The following DAPL1 variants were observed in gnomAD, a reference collection of about 807,000 sequenced individuals.
DAPL1 encodes the protein death associated protein like 1.
In DAPL1, 17 loss-of-function variants were observed where a neutral mutation model predicts 12.9. That is an observed-to-expected ratio of 1.32 (90% confidence interval 0.90 to 1.98). DAPL1 has a LOEUF of 1.98. DAPL1 is among the 30% of genes most tolerant of loss of function. The pLI, the probability that DAPL1 is intolerant of heterozygous loss-of-function variation, is 0.00. For synonymous variants in DAPL1, 51 were observed against 42.0 expected (o/e 1.21, Z -0.82); for missense variants, 157 against 125.7 (o/e 1.25, Z -1.19).
At chr2:158,795,815 G>T (rs1044889328) in intron 1 of DAPL1, among the ~76,000 whole-genome samples, 3 of 152,182 alleles carry the variant, frequency 2.0e-5, no homozygotes, top group African/African-American at 7.2e-5. Flanking sequence ...TTTCTCTTTA[G>T]AGGTTCCAGC....
chr2:158,803,651 A>T (rs1425320602), intron 1 of DAPL1, among the ~76,000 whole-genome samples: 1 of 152,238 alleles, frequency 6.6e-6, no homozygotes, highest in East Asian at 1.9e-4. Flanking sequence ...ATTAACACTA[A>T]TTGATCACTT....
intron 2 of DAPL1, 114 bp downstream of exon 2, chr2:158,804,483 G>A: frequency 2.9e-6 from 2 of 687,056 alleles, no homozygotes; most frequent in Non-Finnish European, 4.8e-6. Context: ...AGCCAGAGAA[G>A]GGGGCAGGAG....
intron 3 of DAPL1, among the ~76,000 whole-genome samples, chr2:158,813,712 T>A (rs146059716): frequency 6.6e-6 from 1 of 151,512 alleles, no homozygotes; most frequent in Non-Finnish European, 1.5e-5. Flanking sequence ...CTCGCCACCA[T>A]GCCCGGCTAA....
chr2:158,813,021 A>G (rs1356304086), intron 3 of DAPL1, among the ~76,000 whole-genome samples: 2 of 152,108 alleles, frequency 1.3e-5, no homozygotes, highest in Middle Eastern at 3.4e-3. Context: ...AACGTGGTAT[A>G]TATATATACA....
chr2:158,804,167 G>A (rs993832374), intron 1 of DAPL1, 115 bp from the exon 2 acceptor site: 17 of 702,244 alleles, frequency 2.4e-5, no homozygotes, highest in African/African-American at 1.5e-4. Context: ...CAAACGTTTA[G>A]ATCTTTAAAA....
At chr2:158,796,414 G>C (rs758214641) in intron 1 of DAPL1, among the ~76,000 whole-genome samples, 2 of 152,184 alleles carry the variant, frequency 1.3e-5, no homozygotes, top group African/African-American at 2.4e-5. Flanking sequence ...TGGCCAAAAA[G>C]AGTCCAGATT....
In DAPL1 at chr2:158,804,578, C is replaced by T. The variant is rs573596471; in HGVS notation, c.146+209C>T. On this transcript the variant is annotated intron_variant, in intron 2 of 3. Coordinates refer to ENST00000309950, the MANE Select transcript of DAPL1 (RefSeq NM_001017920.3). ...CTCTGGAGGGATCCCTCTGAGAGGG[C>T]TCCCATCACGACCCCCACCCATTCT... 1.4e-4 allele frequency among the ~76,000 whole-genome samples: 22 copies of T among 152,250 alleles called. 2 individuals carry two copies. The highest frequency in any genetic ancestry group is 1.2e-3 in the South Asian group (6 of 4,816).
intron 1 of DAPL1, among the ~76,000 whole-genome samples, chr2:158,796,304 G>A (rs2059134142): frequency 6.6e-6 from 1 of 152,170 alleles, no homozygotes; most frequent in Non-Finnish European, 1.5e-5. Flanking sequence ...TCTAGGCCAA[G>A]GTTATTTCAA....
At chr2:158,804,073 A>G (rs1253019033) in intron 1 of DAPL1, among the ~76,000 whole-genome samples, 4 of 152,228 alleles carry the variant, frequency 2.6e-5, no homozygotes, top group Admixed American at 2.6e-4. Flanking sequence ...TTCTCTGAGC[A>G]TAAACAAGTA....
intron 3 of DAPL1, chr2:158,807,930 G>C (rs201054343): frequency 1.3e-5 from 2 of 152,398 alleles, no homozygotes; most frequent in East Asian, 3.9e-4. Context: ...ACAGGTGTGA[G>C]CCACCTCACC....
intron 3 of DAPL1, among the ~76,000 whole-genome samples, chr2:158,811,173 G>A (rs2059228351): frequency 6.6e-6 from 1 of 152,184 alleles, no homozygotes. Context: ...CAGACTTTGG[G>A]TCACCACTGC....
At chr2:158,798,888 T>C (rs1331061685) in intron 1 of DAPL1, among the ~76,000 whole-genome samples, 1 of 152,192 alleles carries the variant, frequency 6.6e-6, no homozygotes, top group Non-Finnish European at 1.5e-5. Flanking sequence ...CAAACCTTTG[T>C]GCCTTTCAGC....
intron 3 of DAPL1, among the ~76,000 whole-genome samples, chr2:158,813,120 T>C (rs2105157358): frequency 6.6e-6 from 1 of 152,262 alleles, no homozygotes; most frequent in East Asian, 1.9e-4. Flanking sequence ...CTAAGTGAAA[T>C]AAGCCAGACA....
chr2:158,813,557 CTTTT>C (rs11355982), intron 3 of DAPL1, among the ~76,000 whole-genome samples: 8,553 of 132,848 alleles, frequency 0.064, 288 homozygotes, highest in African/African-American at 0.11. Flanking sequence ...TTTCCTTTTT[CTTTT>C]TTTTTTTTTT....
intron 3 of DAPL1, among the ~76,000 whole-genome samples, chr2:158,809,012 T>A: frequency 6.6e-6 from 1 of 152,134 alleles, no homozygotes. Context: ...TTAACAACAA[T>A]AATCAGTTGT....
In DAPL1 at chr2:158,815,962, T is replaced by C; in HGVS notation, c.*141T>C. The C allele has an allele frequency of 3.1e-6, 2 of 640,360 alleles. No homozygotes were observed. The highest frequency in any genetic ancestry group is 2.7e-5 in the East Asian group (1 of 37,134). 39.7% of individuals were successfully genotyped at this position (640,360 alleles called of 1,614,324 possible). On this transcript the variant is annotated 3_prime_UTR_variant, in exon 4 of 4. Coordinates refer to ENST00000309950, the MANE Select transcript of DAPL1 (RefSeq NM_001017920.3). ...TTGTATCTTCCCCTTTGACTTTAGGTAATAAAGCATCCAAACTTGTAAATC... is the reference window on the plus strand; with the variant it reads ...TTGTATCTTCCCCTTTGACTTTAGGCAATAAAGCATCCAAACTTGTAAATC...
At chr2:158,813,210 G>C (rs1175101419) in intron 3 of DAPL1, among the ~76,000 whole-genome samples, 1 of 152,146 alleles carries the variant, frequency 6.6e-6, no homozygotes, top group Non-Finnish European at 1.5e-5. Context: ...AAGTAGAATG[G>C]TGGTTGCCAG....
In DAPL1 at chr2:158,804,485, G is replaced by A. The variant is rs1250396112; in HGVS notation, c.146+116G>A. The A allele has an allele frequency of 5.8e-6, 4 of 693,232 alleles. No homozygotes were observed. The East Asian group carries it at 1.1e-4, about 19-fold the overall frequency. 42.9% of individuals were successfully genotyped at this position (693,232 alleles called of 1,614,324 possible). A position where few individuals can be genotyped will look rare whatever the true frequency, so the allele number is the denominator to read the frequency against. ...TGCCTTTGGAGGCAGCCAGAGAAGGGGGCAGGAGGGGGAGGGCGTGATCCG... is the reference window on the plus strand; with the variant it reads ...TGCCTTTGGAGGCAGCCAGAGAAGGAGGCAGGAGGGGGAGGGCGTGATCCG... On this transcript the variant is annotated intron_variant, in intron 2 of 3. Coordinates refer to ENST00000309950, the MANE Select transcript of DAPL1 (RefSeq NM_001017920.3).
At chr2:158,814,357 T>C (rs1354296536) in intron 3 of DAPL1, among the ~76,000 whole-genome samples, 4 of 152,222 alleles carry the variant, frequency 2.6e-5, no homozygotes, top group African/African-American at 9.6e-5. Flanking sequence ...CTCAATTGTG[T>C]TTTGTTTCCA....
Sources: allele counts gnomAD v4.1 joint callset (sites outside exome capture counted in the v4.1 genomes callset), GRCh38; gene constraint gnomAD v4.1.1; transcripts MANE v1.5; gene names NCBI Gene and HGNC (gene_info 2026-07-23, HGNC 2026-07-21).